Variants in CDH1 observed in about 807,000 individuals in gnomAD.
The protein encoded by CDH1 is cadherin-1.
A neutral mutation model predicts 84.5 loss-of-function variants in CDH1; 35 were observed. That is an observed-to-expected ratio of 0.41 (90% confidence interval 0.32 to 0.55). CDH1 has a LOEUF of 0.55. CDH1 is among the 20% of genes least tolerant of loss of function. CDH1 has a pLI of 0.19. For missense variants in CDH1, 994 were observed against 1,126.6 expected (o/e 0.88, Z 1.68); for synonymous variants, 417 against 439.0 (o/e 0.95, Z 0.63).
At chr16:68,809,726 A>G (rs973304957) in intron 5 of CDH1, among the ~76,000 whole-genome samples, 1 of 151,830 alleles carries the variant, frequency 6.6e-6, no homozygotes, top group Non-Finnish European at 1.5e-5. Flanking sequence ...AGATCTTGCT[A>G]TGTTGCCCAG....
intron 2 of CDH1, among the ~76,000 whole-genome samples, chr16:68,783,270 G>A (rs1425850721): frequency 3.3e-5 from 5 of 151,724 alleles, no homozygotes; most frequent in Admixed American, 2.6e-4. Flanking sequence ...GGTGGCACAT[G>A]CCTGTAATCC....
chr16:68,746,629 T>C (rs1302156483), intron 2 of CDH1, among the ~76,000 whole-genome samples: 1 of 151,956 alleles, frequency 6.6e-6, no homozygotes, highest in Non-Finnish European at 1.5e-5. Context: ...ATGCCCAGGA[T>C]TGAGAACTCT....
Position 68,738,367 on chromosome 16 carries a change from C to G in CDH1, c.119C>G (p.Thr40Arg), listed in dbSNP as rs1962460411. The G allele has an allele frequency of 6.4e-7, 1 of 1,551,032 alleles. No individual in the cohort carries two copies. Among genetic ancestry groups the G allele is most frequent in the African/African-American group, 1.4e-5 (1 of 73,164 alleles). ...TTTGACGCCGAGAGCTACACGTTCA[C>G]GGTGCCCCGGCGCCACCTGGAGAGA... ...PGFDAESYTF[T>R]VPRRHLERGR... Residue 40 changes from threonine to arginine, a missense_variant, in exon 2 of 16, where the codon ACG becomes AGG. Physicochemically the swap from Thr to Arg is moderately conservative, Grantham distance 71 (BLOSUM62 -1). Coordinates refer to ENST00000261769, the MANE Select transcript of CDH1 (RefSeq NM_004360.5).
intron 12 of CDH1, chr16:68,822,725 G>A: frequency 3.5e-6 from 1 of 282,342 alleles, no homozygotes; most frequent in East Asian, 9.3e-5. Context: ...TCTGGAAGGT[G>A]TGCACCACTT....
At position 68,776,521 on chromosome 16, in the gene CDH1, TA is replaced by T. The variant is rs575232222; in HGVS notation, c.164-25144del. Among the ~76,000 whole-genome samples, 772 of 152,264 alleles carry T rather than the reference TA, an allele frequency of 5.1e-3. 6 individuals are homozygous for T. The highest frequency in any genetic ancestry group is 0.018 in the African/African-American group (744 of 41,548). On this transcript the variant is annotated intron_variant, in intron 2 of 15. Coordinates refer to ENST00000261769, the MANE Select transcript of CDH1 (RefSeq NM_004360.5). Reference sequence around the variant, plus strand: ...AATATTTTACTTAGTAAAATCTCATTAAAAATTTTTTTTAAATAGTATGTTT... The same window carrying T: ...AATATTTTACTTAGTAAAATCTCATTAAAATTTTTTTTAAATAGTATGTTT...
At chr16:68,749,949 T>C (rs1158616631) in intron 2 of CDH1, among the ~76,000 whole-genome samples, 1 of 150,370 alleles carries the variant, frequency 6.7e-6, no homozygotes, top group Non-Finnish European at 1.5e-5. Context: ...ACCTTTTTCA[T>C]CTCACTTATT....
In CDH1 at chr16:68,793,112, T is replaced by G. The variant is rs114200415; in HGVS notation, c.164-8558T>G. Among the ~76,000 whole-genome samples, 1,439 of 152,308 alleles carry G rather than the reference T, an allele frequency of 9.4e-3. 30 individuals are homozygous for G. Among genetic ancestry groups the G allele is most frequent in the African/African-American group, 0.032 (1,346 of 41,566 alleles). On this transcript the variant is annotated intron_variant, in intron 2 of 15. Transcript: ENST00000261769. ...CCCTGAGAGCACATTGCATGGATGT[T>G]GTGGGCACGTTAAGAGTCATGCTTG...
rs781160222 is a variant in CDH1 at position 68,833,519 on chromosome 16, C to T, written c.*20C>T. The T allele has an allele frequency of 4.9e-5, 78 of 1,595,230 alleles. 2 individuals are homozygous for T. In the South Asian group the frequency reaches 7.2e-4, roughly 15 times the overall value. On this transcript the variant is annotated 3_prime_UTR_variant, in exon 16 of 16. Transcript: ENST00000261769. ...GACTAGGGGACTCGAGAGAGGCGGG[C>T]CCCAGACCCATGTGCTGGGAAATGC...
At chr16:68,832,284 A>G (rs1312294471) in intron 15 of CDH1, among the ~76,000 whole-genome samples, 1 of 152,018 alleles carries the variant, frequency 6.6e-6, no homozygotes, top group African/African-American at 2.4e-5. Flanking sequence ...CCCAAACCTA[A>G]AAGTTTTTTT....
At chr16:68,757,141 C>T (rs918458909) in intron 2 of CDH1, among the ~76,000 whole-genome samples, 1 of 151,958 alleles carries the variant, frequency 6.6e-6, no homozygotes, top group Non-Finnish European at 1.5e-5. Context: ...CAGGCTGGAG[C>T]GCAGTGTTGG....
At chr16:68,799,952 G>A (rs533656118) in intron 2 of CDH1, among the ~76,000 whole-genome samples, 1 of 151,838 alleles carries the variant, frequency 6.6e-6, no homozygotes, top group East Asian at 1.9e-4. Context: ...GGAGGTTTCA[G>A]TGAGCCGAGA....
chr16:68,806,687 A>G (rs1036169201), intron 3 of CDH1, among the ~76,000 whole-genome samples: 11 of 152,174 alleles, frequency 7.2e-5, no homozygotes, highest in African/African-American at 2.7e-4. Context: ...CCCATTTCAG[A>G]CATTAGGAAG....
intron 2 of CDH1, among the ~76,000 whole-genome samples, chr16:68,756,940 T>A (rs1963031640): frequency 6.6e-6 from 1 of 152,178 alleles, no homozygotes; most frequent in Non-Finnish European, 1.5e-5. Context: ...AGGTTAAGGC[T>A]GCAGTGAGCT....
intron 7 of CDH1, 114 bp downstream of exon 7, chr16:68,811,973 A>C: frequency 6.8e-7 from 1 of 1,461,890 alleles, no homozygotes; most frequent in Non-Finnish European, 9.5e-7. Flanking sequence ...TGATGGTCTA[A>C]GCTTTGCATC....
chr16:68,809,439 C>A (rs1402150676), intron 5 of CDH1, among the ~76,000 whole-genome samples: 2 of 151,990 alleles, frequency 1.3e-5, no homozygotes, highest in Admixed American at 6.6e-5. Flanking sequence ...TGACCTCAGG[C>A]GATTCACCCT....
intron 13 of CDH1, among the ~76,000 whole-genome samples, chr16:68,824,483 G>C (rs185130922): frequency 7.0e-4 from 107 of 152,176 alleles, no homozygotes; most frequent in African/African-American, 2.4e-3. Context: ...GAGGCCAAAC[G>C]ACTGGAAGTT....
intron 2 of CDH1, among the ~76,000 whole-genome samples, chr16:68,759,564 A>G (rs1963109012): frequency 6.8e-6 from 1 of 147,432 alleles, no homozygotes; most frequent in Non-Finnish European, 1.5e-5. Flanking sequence ...ATCTTGGCTC[A>G]CTGCAACCTC....
intron 2 of CDH1, among the ~76,000 whole-genome samples, chr16:68,754,408 T>C (rs998237466): frequency 1.3e-5 from 2 of 152,106 alleles, no homozygotes; most frequent in African/African-American, 4.8e-5. Flanking sequence ...TGAGACACTG[T>C]CTCAAGAAAA....
intron 2 of CDH1, chr16:68,765,218 G>A (rs1265011709): frequency 6.6e-6 from 1 of 151,992 alleles, no homozygotes; most frequent in Non-Finnish European, 1.5e-5. Flanking sequence ...TTTTCGAGAT[G>A]GAGTCTCGCT....
Sources: gnomAD v4.1 joint callset for allele counts (sites outside exome capture counted in the v4.1 genomes callset) on GRCh38, gnomAD v4.1.1 for gene constraint, MANE v1.5 for transcripts, NCBI Gene and HGNC (gene_info 2026-07-23, HGNC 2026-07-21) for gene names.